Variants in TENM3 observed in about 807,000 individuals in gnomAD.
TENM3 encodes teneurin transmembrane protein 3, also known as teneurin-3.
A neutral mutation model predicts 255.1 loss-of-function variants in TENM3; 63 were observed. The ratio of observed to expected loss-of-function variants is 0.25; its 90% confidence interval spans 0.20 to 0.30. The LOEUF (loss-of-function observed/expected upper bound fraction) is 0.30, where lower values mean the gene tolerates loss of function less well. Ranked by LOEUF, TENM3 falls within the 10% of genes least tolerant of loss-of-function variation. The probability of loss-of-function intolerance (pLI) is 1.00; values close to 1 mark genes in which losing one functional copy is unlikely to be tolerated. For synonymous variants in TENM3, 1,306 were observed against 1,322.3 expected, an observed-to-expected ratio of 0.99 and a Z score of 0.27; for missense variants, 2,929 against 3,461.1, an observed-to-expected ratio of 0.85 and a Z score of 3.86.
At chr4:181,487,724 C>T in the TENM3 span, among the ~76,000 whole-genome samples, 1 of 151,886 alleles carries the variant, frequency 6.6e-6, no homozygotes, top group Non-Finnish European at 1.5e-5. Context: ...ATCTGACCTC[C>T]CAGAAATTCA....
At chr4:182,311,913 A>G (rs909826176) in intron 1 of TENM3, among the ~76,000 whole-genome samples, 4 of 152,194 alleles carry the variant, frequency 2.6e-5, no homozygotes, top group East Asian at 3.9e-4. Flanking sequence ...TTTTGAAGTC[A>G]TCTAGAAAAC....
At chr4:181,667,038 A>C in the TENM3 span, among the ~76,000 whole-genome samples, 1 of 152,220 alleles carries the variant, frequency 6.6e-6, no homozygotes, top group African/African-American at 2.4e-5. Context: ...TGTTATGCTT[A>C]CAAACAATCT....
At chr4:182,650,889 AAT>A (rs1157725899) in intron 5 of TENM3, among the ~76,000 whole-genome samples, 1 of 29,774 alleles carries the variant, frequency 3.4e-5, no homozygotes, top group African/African-American at 2.4e-4. Flanking sequence ...AATAAAAAAA[AAT>A]ATATATATAT....
At position 182,621,755 on chromosome 4, in the gene TENM3, A is replaced by T. The variant is rs1418388865; in HGVS notation, c.750-6896A>T. ...AATATATAATATATAATATATTATA[A>T]TATATAATAATTATATATTATATAT... On this transcript the variant is annotated intron_variant, in intron 4 of 27. Transcript: ENST00000511685. Among the ~76,000 whole-genome samples the T allele has an allele frequency of 2.6e-3, 228 of 86,384 alleles. 7 individuals carry two copies. The highest frequency in any genetic ancestry group is 9.6e-3 in the African/African-American group (217 of 22,634). 56.7% of individuals were successfully genotyped at this position (86,384 alleles called of 152,430 possible). A position where few individuals can be genotyped will look rare whatever the true frequency, so the allele number is the denominator to read the frequency against.
At chr4:182,694,827 A>C (rs2152613863) in intron 12 of TENM3, among the ~76,000 whole-genome samples, 1 of 152,336 alleles carries the variant, frequency 6.6e-6, no homozygotes, top group East Asian at 1.9e-4. Context: ...AAAGAGAGAA[A>C]GAGCAAAACT....
At chr4:181,501,444 T>C in the TENM3 span, among the ~76,000 whole-genome samples, 1 of 151,820 alleles carries the variant, frequency 6.6e-6, no homozygotes, top group Non-Finnish European at 1.5e-5. Context: ...AGTGGTGCGA[T>C]CTCAGCTCAC....
chr4:181,498,900 T>C, the TENM3 span, among the ~76,000 whole-genome samples: 1 of 152,220 alleles, frequency 6.6e-6, no homozygotes, highest in Non-Finnish European at 1.5e-5. Context: ...ATCTTTTTTC[T>C]TTTTACTGTG....
intron 3 of TENM3, among the ~76,000 whole-genome samples, chr4:182,595,617 G>C (rs1375983406): frequency 1.3e-5 from 2 of 152,116 alleles, no homozygotes; most frequent in South Asian, 2.1e-4. Flanking sequence ...TATATGAGCA[G>C]TGGGACCTTG....
chr4:182,672,537 C>T (rs925815554), intron 6 of TENM3, among the ~76,000 whole-genome samples: 9 of 152,072 alleles, frequency 5.9e-5, no homozygotes, highest in East Asian at 1.9e-4. Flanking sequence ...CACATGAATC[C>T]GAGCCATCAG....
At chr4:181,827,428 G>A in the TENM3 span, among the ~76,000 whole-genome samples, 1 of 152,190 alleles carries the variant, frequency 6.6e-6, no homozygotes, top group Admixed American at 6.5e-5. Flanking sequence ...AGCCAGCGTG[G>A]CTCCGTGTAC....
chr4:182,015,856 GT>G, the TENM3 span, among the ~76,000 whole-genome samples: 1 of 152,100 alleles, frequency 6.6e-6, no homozygotes, highest in Non-Finnish European at 1.5e-5. Flanking sequence ...CTGATTTTAA[GT>G]TTTTAAGATG....
At chr4:182,246,288 A>G (rs900606847) in intron 1 of TENM3, among the ~76,000 whole-genome samples, 1 of 152,184 alleles carries the variant, frequency 6.6e-6, no homozygotes. Context: ...AAAAGAAGTC[A>G]TGGAAGCAAC....
intron 1 of TENM3, among the ~76,000 whole-genome samples, chr4:182,208,294 T>C (rs1025464321): frequency 2.6e-5 from 4 of 152,240 alleles, no homozygotes; most frequent in Non-Finnish European, 4.4e-5. Context: ...TCAGTTTCTA[T>C]GAATATGCTC....
At chr4:181,705,777 A>G in the TENM3 span, among the ~76,000 whole-genome samples, 1 of 152,126 alleles carries the variant, frequency 6.6e-6, no homozygotes, top group Non-Finnish European at 1.5e-5. Context: ...ATGCCTGTTT[A>G]ACAGTCATTT....
chr4:182,087,375 A>T, the TENM3 span, among the ~76,000 whole-genome samples: 27 of 152,232 alleles, frequency 1.8e-4, no homozygotes, highest in African/African-American at 6.0e-4. Flanking sequence ...AAGACACAAA[A>T]CCCTTACTGT....
At chr4:182,402,682 G>T (rs1038474198) in intron 3 of TENM3, among the ~76,000 whole-genome samples, 1 of 151,974 alleles carries the variant, frequency 6.6e-6, no homozygotes, top group African/African-American at 2.4e-5. Flanking sequence ...TGTTTGCTGC[G>T]CTTGCCTAGG....
intron 4 of TENM3, among the ~76,000 whole-genome samples, chr4:182,605,537 T>G (rs1748335415): frequency 1.3e-5 from 2 of 151,518 alleles, no homozygotes; most frequent in Admixed American, 1.3e-4. Flanking sequence ...TAATGAATAG[T>G]AAAAAATCAC....
At chr4:181,812,183 A>G in the TENM3 span, among the ~76,000 whole-genome samples, 1 of 152,170 alleles carries the variant, frequency 6.6e-6, no homozygotes, top group Non-Finnish European at 1.5e-5. Flanking sequence ...GGTGGCTTTC[A>G]TTAAGCTTTG....
chr4:182,281,956 G>A (rs1183908561), intron 1 of TENM3, among the ~76,000 whole-genome samples: 2 of 152,066 alleles, frequency 1.3e-5, no homozygotes, highest in African/African-American at 2.4e-5. Flanking sequence ...GGCTGGTCTC[G>A]AACTCCTGAT....
Sources: allele counts gnomAD v4.1 joint callset (sites outside exome capture counted in the v4.1 genomes callset), GRCh38; gene constraint gnomAD v4.1.1; transcripts MANE v1.5; gene names NCBI Gene and HGNC (gene_info 2026-07-23, HGNC 2026-07-21).